The following PRSS12 variants were observed in gnomAD, a reference collection of about 807,000 sequenced individuals.
PRSS12 encodes the protein serine protease 12.
In PRSS12, 85 loss-of-function variants were observed where a neutral mutation model predicts 104.4. The observed-to-expected ratio is 0.81, with a 90% CI of 0.68 to 0.98. PRSS12 has a LOEUF of 0.98. Among genes scored for constraint, PRSS12 ranks in the 50% least tolerant of loss-of-function variants. PRSS12 has a pLI of 0.00. For missense variants in PRSS12, 1,141 were observed against 1,139.2 expected (o/e 1.00, Z -0.02); for synonymous variants, 454 against 425.2 (o/e 1.07, Z -0.83).
intron 4 of PRSS12, among the ~76,000 whole-genome samples, chr4:118,323,091 C>T (rs1723675734): frequency 1.3e-5 from 2 of 152,006 alleles, no homozygotes; most frequent in South Asian, 4.1e-4. Flanking sequence ...AGTCTATTTA[C>T]TCTCTGGCCC....
At chr4:118,339,069 G>A (rs1409519483) in intron 1 of PRSS12, among the ~76,000 whole-genome samples, 3 of 152,052 alleles carry the variant, frequency 2.0e-5, no homozygotes, top group South Asian at 2.1e-4. Context: ...GTCTTTAAAA[G>A]AGCCAAGATT....
chr4:118,311,470 G>A lies in PRSS12; in HGVS notation c.1489+1731C>T, dbSNP rs3805191. Among the ~76,000 whole-genome samples, 998 of 152,124 alleles carry A rather than the reference G, an allele frequency of 6.6e-3. 25 individuals carry two copies. The East Asian group carries it at 0.085, about 13-fold the overall frequency. ...AAAAAATCTCCATTGTTTCCTAAAT[G>A]CTGTTATTTATATTGTTATCCTGTT... On this transcript the variant is annotated intron_variant, in intron 7 of 12. Transcript: ENST00000296498.
intron 4 of PRSS12, among the ~76,000 whole-genome samples, chr4:118,319,942 G>T (rs1723565081): frequency 1.3e-5 from 2 of 152,126 alleles, no homozygotes; most frequent in Non-Finnish European, 2.9e-5. Context: ...TCCCAAAAGT[G>T]CTGGGATTAC....
At chr4:118,338,564 T>A (rs1178785944) in intron 1 of PRSS12, among the ~76,000 whole-genome samples, 1 of 152,132 alleles carries the variant, frequency 6.6e-6, no homozygotes, top group African/African-American at 2.4e-5. Context: ...AAACAGACAG[T>A]CCTATTATAA....
In PRSS12 at chr4:118,313,193, G is replaced by A; in HGVS notation, c.1489+8C>T. 6.2e-7 allele frequency: 1 copy of A among 1,612,582 alleles called. No homozygotes were observed. ...GATGGAAACTTGAGAGCTGCAGCCAGTCCTCACCCAGAGAGAGCCTGTGTC... is the reference window on the plus strand; with the variant it reads ...GATGGAAACTTGAGAGCTGCAGCCAATCCTCACCCAGAGAGAGCCTGTGTC... On this transcript the variant is annotated splice_region_variant and intron_variant, in intron 7 of 12. Coordinates refer to ENST00000296498, the MANE Select transcript of PRSS12 (RefSeq NM_003619.4).
chr4:118,294,966 A>G lies in PRSS12; in HGVS notation c.2012T>C (p.Val671Ala). ...CGATLLSSCWVLTAAHCFKRY... is the reference protein window; with the variant it reads ...CGATLLSSCWALTAAHCFKRY... Reference sequence around the variant, plus strand: ...CTTGAAACAGTGTGCTGCTGTGAGGACCCAGCAGCTACTCAGGAGCGTAGC... The same window carrying G: ...CTTGAAACAGTGTGCTGCTGTGAGGGCCCAGCAGCTACTCAGGAGCGTAGC... Residue 671 changes from valine (V) to alanine (A), a missense_variant, in exon 11 of 13, where the codon GTC becomes GCC. Physicochemically the swap from Val to Ala is moderately conservative, Grantham distance 64 (BLOSUM62 0). Coordinates refer to ENST00000296498, the MANE Select transcript of PRSS12 (RefSeq NM_003619.4). The G allele has an allele frequency of 6.2e-7, 1 of 1,614,036 alleles. No individual in the cohort carries two copies. The highest frequency in any genetic ancestry group is 8.5e-7 in the Non-Finnish European group (1 of 1,179,976).
In PRSS12 at chr4:118,292,107, GA is replaced by G. The variant is rs202027461; in HGVS notation, c.2039+2831del. 4.9e-3 allele frequency among the ~76,000 whole-genome samples: 727 copies of G among 149,364 alleles called. 14 individuals are homozygous for G. Among genetic ancestry groups the G allele is most frequent in the African/African-American group, 0.017 (698 of 40,674 alleles). ...TTTAAAAATTGGTCTTCCCATATAT[GA>G]AAAAAAAAGATATTTTGCCATCATG... On this transcript the variant is annotated intron_variant, in intron 11 of 12. Coordinates refer to ENST00000296498, the MANE Select transcript of PRSS12 (RefSeq NM_003619.4).
At chr4:118,301,185 G>A (rs1309356357) in intron 8 of PRSS12, among the ~76,000 whole-genome samples, 2 of 151,980 alleles carry the variant, frequency 1.3e-5, no homozygotes, top group Non-Finnish European at 2.9e-5. Context: ...TAAAGTAGTT[G>A]TCCCAATAAC....
At chr4:118,334,357 C>T (rs950212633) in intron 3 of PRSS12, among the ~76,000 whole-genome samples, 2 of 151,996 alleles carry the variant, frequency 1.3e-5, no homozygotes, top group Non-Finnish European at 2.9e-5. Context: ...TACTTTACTA[C>T]TTGAAAAACA....
intron 3 of PRSS12, among the ~76,000 whole-genome samples, chr4:118,334,157 C>A (rs762610853): frequency 6.6e-6 from 1 of 152,104 alleles, no homozygotes; most frequent in Non-Finnish European, 1.5e-5. Flanking sequence ...TAATCTACCA[C>A]GAGAGAATCT....
At chr4:118,313,958 C>A (rs1359890733) in intron 6 of PRSS12, among the ~76,000 whole-genome samples, 4 of 152,104 alleles carry the variant, frequency 2.6e-5, no homozygotes, top group African/African-American at 9.7e-5. Context: ...AAATGTTTAT[C>A]AATTATATTT....
At chr4:118,283,887 A>G (rs907009679) in intron 11 of PRSS12, among the ~76,000 whole-genome samples, 13 of 152,302 alleles carry the variant, frequency 8.5e-5, no homozygotes, top group African/African-American at 3.1e-4. Context: ...TGTTGTGTTC[A>G]CTGATTAATC....
chr4:118,312,046 G>T (rs36058627), intron 7 of PRSS12, among the ~76,000 whole-genome samples: 9,077 of 152,096 alleles, frequency 0.06, 376 homozygotes, highest in Non-Finnish European at 0.09. Flanking sequence ...AGAACAAAAT[G>T]AAAAGAAAGA....
chr4:118,297,405 A>C (rs1418765012), intron 9 of PRSS12, among the ~76,000 whole-genome samples: 1 of 152,142 alleles, frequency 6.6e-6, no homozygotes, highest in African/African-American at 2.4e-5. Flanking sequence ...TGTAATGGTA[A>C]TTTAAATTAT....
At chr4:118,299,996 A>C (rs1459900383) in intron 8 of PRSS12, among the ~76,000 whole-genome samples, 1 of 149,672 alleles carries the variant, frequency 6.7e-6, no homozygotes, top group Non-Finnish European at 1.5e-5. Flanking sequence ...AAAAAGAAGT[A>C]CAATTTTTTA....
rs894536940 is a variant in PRSS12, at chr4:118,313,093, G to A, written c.1489+108C>T. 13 of 1,264,532 alleles carry A rather than the reference G, an allele frequency of 1.0e-5. No individual in the cohort carries two copies. The African/African-American group carries it at 1.8e-4, about 17-fold the overall frequency. The allele number at this position is 1,264,532 out of a possible 1,614,324, so 78.3% of individuals were successfully genotyped here. Reference sequence around the variant, plus strand: ...GAAAATTAGACAGTTATGGGAAATAGACCCCAAAAAAAGCCAAAGATGAGA... The same window carrying A: ...GAAAATTAGACAGTTATGGGAAATAAACCCCAAAAAAAGCCAAAGATGAGA... On this transcript the variant is annotated intron_variant, in intron 7 of 12. Coordinates refer to ENST00000296498, the MANE Select transcript of PRSS12 (RefSeq NM_003619.4).
At chr4:118,315,872 G>A (rs906742081) in intron 6 of PRSS12, among the ~76,000 whole-genome samples, 7 of 152,240 alleles carry the variant, frequency 4.6e-5, no homozygotes, top group South Asian at 2.1e-4. Flanking sequence ...TAGTAATGAC[G>A]TGTCAGAATA....
At chr4:118,284,920 G>A (rs1453520568) in intron 11 of PRSS12, among the ~76,000 whole-genome samples, 9 of 152,146 alleles carry the variant, frequency 5.9e-5, no homozygotes, top group Admixed American at 5.2e-4. Flanking sequence ...GTACTTGAAT[G>A]TGAACTTAGA....
intron 4 of PRSS12, among the ~76,000 whole-genome samples, chr4:118,324,696 G>T (rs74395740): frequency 0.12 from 17,543 of 151,874 alleles, 1,493 homozygotes; most frequent in South Asian, 0.2. Context: ...CAAAGGACAT[G>T]GTTTCATTCT....
Sources: allele counts gnomAD v4.1 joint callset (sites outside exome capture counted in the v4.1 genomes callset), GRCh38; gene constraint gnomAD v4.1.1; transcripts MANE v1.5; gene names NCBI Gene and HGNC (gene_info 2026-07-23, HGNC 2026-07-21).